Variants in ATRN observed in about 807,000 individuals in gnomAD.
The protein encoded by ATRN is attractin, also known as attractin-2.
ATRN carries 54 observed loss-of-function variants against 178.7 expected under a neutral mutation model. The observed-to-expected ratio is 0.30, with a 90% confidence interval of 0.24 to 0.38. The LOEUF (loss-of-function observed/expected upper bound fraction) is 0.38, where lower values mean the gene tolerates loss of function less well. ATRN is among the 10% of genes least tolerant of loss of function. The probability of loss-of-function intolerance (pLI) is 1.00; values close to 1 mark genes in which losing one functional copy is unlikely to be tolerated. For synonymous variants in ATRN, 636 were observed against 663.0 expected (o/e 0.96, Z 0.63); for missense variants, 1,443 against 1,815.1 (o/e 0.79, Z 3.73).
chr20:3,610,621 A>G (rs1568763168), intron 24 of ATRN, among the ~76,000 whole-genome samples: 1 of 137,186 alleles, frequency 7.3e-6, no homozygotes, highest in Non-Finnish European at 1.5e-5. Context: ...CGCCCAGGCC[A>G]AAGTGTAGTG....
At chr20:3,550,994 GCTT>G (rs2065383624) in intron 6 of ATRN, among the ~76,000 whole-genome samples, 1 of 152,154 alleles carries the variant, frequency 6.6e-6, no homozygotes, top group South Asian at 2.1e-4. Context: ...ATTCCACCCT[GCTT>G]CTTCTGTGGT....
chr20:3,591,143 A>G (rs2086435986), intron 18 of ATRN, 26 bp from the exon 19 acceptor site: 1 of 1,612,234 alleles, frequency 6.2e-7, no homozygotes, highest in African/African-American at 1.3e-5. Flanking sequence ...CATGGTACAG[A>G]CCCCTTGAAA....
intron 25 of ATRN, chr20:3,629,240 T>C (rs2086971087): frequency 1.0e-6 from 1 of 985,410 alleles, no homozygotes; most frequent in Non-Finnish European, 1.2e-6. Context: ...TTAAAGATCA[T>C]GTATCTAGCC....
chr20:3,534,135 G>A (rs937395231), intron 1 of ATRN, among the ~76,000 whole-genome samples: 2 of 152,206 alleles, frequency 1.3e-5, no homozygotes, highest in African/African-American at 2.4e-5. Context: ...CAGGGAGTTT[G>A]CAGGATATGA....
intron 18 of ATRN, among the ~76,000 whole-genome samples, chr20:3,587,403 T>A (rs2086372528): frequency 2.6e-5 from 4 of 152,178 alleles, no homozygotes; most frequent in Admixed American, 1.3e-4. Context: ...AGTTAATTTT[T>A]GTGTATGGTG....
intron 1 of ATRN, among the ~76,000 whole-genome samples, chr20:3,508,594 G>A (rs1464274843): frequency 1.3e-5 from 2 of 152,132 alleles, no homozygotes; most frequent in African/African-American, 4.8e-5. Context: ...ATTTTCAGAT[G>A]AACAAATACA....
intron 1 of ATRN, among the ~76,000 whole-genome samples, chr20:3,525,514 G>C (rs1031152210): frequency 6.6e-6 from 1 of 152,020 alleles, no homozygotes; most frequent in Non-Finnish European, 1.5e-5. Context: ...AATTCCAAAC[G>C]ACAGAAAAAG....
intron 1 of ATRN, among the ~76,000 whole-genome samples, chr20:3,514,274 A>G (rs944121132): frequency 6.6e-6 from 1 of 152,232 alleles, no homozygotes; most frequent in Non-Finnish European, 1.5e-5. Context: ...AAGCTTCACC[A>G]GTCAATTCTT....
intron 1 of ATRN, among the ~76,000 whole-genome samples, chr20:3,491,184 G>A (rs987642767): frequency 3.9e-5 from 6 of 152,126 alleles, no homozygotes; most frequent in Admixed American, 1.3e-4. Context: ...TTGATCCCCC[G>A]TGTCTTCTCC....
At chr20:3,536,870 T>C (rs2085540650) in intron 2 of ATRN, among the ~76,000 whole-genome samples, 1 of 152,198 alleles carries the variant, frequency 6.6e-6, no homozygotes. Flanking sequence ...GTATATAGTC[T>C]TCTTTGATAC....
At chr20:3,569,295 A>C (rs1202448715) in intron 11 of ATRN, among the ~76,000 whole-genome samples, 4 of 152,164 alleles carry the variant, frequency 2.6e-5, no homozygotes, top group African/African-American at 4.8e-5. Flanking sequence ...CATCTAGGCT[A>C]TATGGTATGG....
chr20:3,481,294 T>C (rs1202725879), intron 1 of ATRN, among the ~76,000 whole-genome samples: 2 of 152,214 alleles, frequency 1.3e-5, no homozygotes, highest in Admixed American at 1.3e-4. Flanking sequence ...TTCGATATCC[T>C]TTCAATTAAA....
At position 3,471,317 on chromosome 20, in the gene ATRN, G is replaced by A. The variant is rs1312052592; in HGVS notation, c.210G>A (p.Pro70=). 29 of 1,482,798 alleles carry A rather than the reference G, an allele frequency of 2.0e-5. No homozygotes were observed. Among genetic ancestry groups the A allele is most frequent in the Admixed American group, 2.4e-5 (1 of 42,402 alleles). 91.9% of individuals were successfully genotyped at this position (1,482,798 alleles called of 1,614,324 possible). A position where few individuals can be genotyped will look rare whatever the true frequency, so the allele number is the denominator to read the frequency against. The part of the protein sequence containing the change: ...RLLLLLLLLS[P]PLLLLLLPCE... The stretch of plus-strand genomic sequence containing the variant: ...TGCTGCTGCTGTTGTTGCTCTCGCC[G>A]CCGCTGCTGCTGCTGCTGCTGCCCT... The change falls in exon 1 of 29, where the codon CCG becomes CCA. Residue 70 remains proline (P), a synonymous_variant. Transcript: ENST00000262919.
chr20:3,623,069 G>T (rs1200353393), intron 24 of ATRN, among the ~76,000 whole-genome samples: 1 of 152,206 alleles, frequency 6.6e-6, no homozygotes, highest in Admixed American at 6.5e-5. Flanking sequence ...CGTTTTAAAA[G>T]ATTGAAATCC....
intron 13 of ATRN, among the ~76,000 whole-genome samples, 164 bp from the exon 14 acceptor site, chr20:3,576,695 G>GTCTATCTATCTATCTATCTATCTATCTA (rs1555819445): frequency 2.1e-5 from 3 of 142,286 alleles, no homozygotes; most frequent in Non-Finnish European, 4.6e-5. Context: ...CTGTCTGTCT[G>GTCTATCTATCTATCTATCTATCTATCTA]TCTATCTATC....
chr20:3,472,854 T>C (rs575369725), intron 1 of ATRN, among the ~76,000 whole-genome samples: 10 of 152,154 alleles, frequency 6.6e-5, no homozygotes, highest in African/African-American at 2.2e-4. Flanking sequence ...GCAAACAAAG[T>C]TGTGGAGGCT....
At chr20:3,521,719 T>C (rs917362376) in intron 1 of ATRN, among the ~76,000 whole-genome samples, 1 of 152,224 alleles carries the variant, frequency 6.6e-6, no homozygotes, top group Admixed American at 6.5e-5. Flanking sequence ...GAACATTCAG[T>C]AAAATAGACT....
intron 21 of ATRN, 66 bp downstream of exon 21, chr20:3,596,495 G>C: frequency 6.8e-7 from 1 of 1,466,036 alleles, no homozygotes; most frequent in Non-Finnish European, 9.5e-7. Flanking sequence ...TTGTTTAAAC[G>C]GGTTTGAGAA....
intron 1 of ATRN, among the ~76,000 whole-genome samples, chr20:3,474,015 G>A (rs2084474067): frequency 6.6e-6 from 1 of 152,190 alleles, no homozygotes; most frequent in Non-Finnish European, 1.5e-5. Context: ...ACAGGAGCAG[G>A]TGTTAGACAT....
Sources: gnomAD v4.1 joint callset for allele counts (sites outside exome capture counted in the v4.1 genomes callset) on GRCh38, gnomAD v4.1.1 for gene constraint, MANE v1.5 for transcripts, NCBI Gene and HGNC (gene_info 2026-07-23, HGNC 2026-07-21) for gene names.